Variants in ZNF324B observed in about 807,000 individuals in gnomAD.
ZNF324B encodes the protein zinc finger protein 324B.
Under a neutral mutation model 10.6 loss-of-function variants are expected in ZNF324B, and 7 were observed. That is an observed-to-expected ratio of 0.66 (90% CI 0.38 to 1.24). ZNF324B has a LOEUF of 1.24. Among genes scored for constraint, ZNF324B ranks in the 50% most tolerant of loss-of-function variants. The pLI is 0.02. For missense variants in ZNF324B, 640 were observed against 764.7 expected (o/e 0.84, Z 1.92); for synonymous variants, 316 against 321.0 (o/e 0.98, Z 0.17).
At position 58,453,833 on chromosome 19, in the gene ZNF324B, G is replaced by A. The variant is rs768602079; in HGVS notation, c.121+11G>A. The A allele has an allele frequency of 1.9e-6, 3 of 1,611,070 alleles. No homozygotes were observed. Among genetic ancestry groups the A allele is most frequent in the South Asian group, 1.1e-5 (1 of 90,854 alleles). On this transcript the variant is annotated intron_variant, in intron 2 of 3. Coordinates refer to ENST00000336614, the MANE Select transcript of ZNF324B (RefSeq NM_207395.3). ...TTGTGACCTCACTTGGTAAGGCCCT[G>A]GGTGCTCCATGAAAAGTGCACTTGG... is the stretch of plus-strand genomic sequence containing the variant.
At chr19:58,438,736 G>C in the ZNF324B span, among the ~76,000 whole-genome samples, 18 of 149,108 alleles carry the variant, frequency 1.2e-4, no homozygotes, top group African/African-American at 4.5e-4. Context: ...GCCTCCCAAA[G>C]TGCTGGGATT....
chr19:58,433,601 T>A, the ZNF324B span: 1 of 1,613,936 alleles, frequency 6.2e-7, no homozygotes, highest in South Asian at 1.1e-5. Flanking sequence ...CAGTGACAAA[T>A]AAGGCTGGAT....
chr19:58,435,337 G>T, the ZNF324B span: 41 of 1,097,288 alleles, frequency 3.7e-5, no homozygotes, highest in Non-Finnish European at 4.9e-5. Context: ...AGGCCAACAG[G>T]GCCATCATCA....
chr19:58,424,098 A>T, the ZNF324B span, among the ~76,000 whole-genome samples: 1 of 151,902 alleles, frequency 6.6e-6, no homozygotes, highest in Non-Finnish European at 1.5e-5. Flanking sequence ...AAAAAAAAAA[A>T]ATTAGCCAGG....
At chr19:58,440,194 T>G in the ZNF324B span, 3,507 of 303,688 alleles carry the variant, frequency 0.012, 113 homozygotes, top group African/African-American at 0.074. Flanking sequence ...CAGCTCGGAC[T>G]TGCCACTGGT....
the ZNF324B span, among the ~76,000 whole-genome samples, chr19:58,421,423 G>T: frequency 7.6e-3 from 1,155 of 152,164 alleles, 22 homozygotes; most frequent in African/African-American, 0.027. Context: ...TTTTGAGACG[G>T]AGTCTCCCCG....
At chr19:58,432,228 C>T in the ZNF324B span, 2 of 486,568 alleles carry the variant, frequency 4.1e-6, no homozygotes, top group Admixed American at 4.4e-5. Flanking sequence ...CAGTTCCTAC[C>T]TGGGGAGTGA....
At chr19:58,432,216 C>T in the ZNF324B span, 2 of 463,868 alleles carry the variant, frequency 4.3e-6, no homozygotes, top group African/African-American at 4.0e-5. Context: ...TCTCTCAGCT[C>T]CCAGTTCCTA....
chr19:58,436,935 A>G, the ZNF324B span: 1 of 1,472,030 alleles, frequency 6.8e-7, no homozygotes, highest in Non-Finnish European at 9.4e-7. Context: ...TACAACAGGA[A>G]ACCCGAGAAG....
upstream of ZNF324B, among the ~76,000 whole-genome samples, chr19:58,450,939 A>G (rs1333897169): frequency 6.6e-6 from 1 of 152,170 alleles, no homozygotes. Flanking sequence ...CAAAGCAAGA[A>G]CTAGATGGTC....
the ZNF324B span, among the ~76,000 whole-genome samples, chr19:58,439,167 C>G: frequency 1.3e-5 from 2 of 152,204 alleles, no homozygotes. Context: ...ACCATCTGTC[C>G]TACCTCCACG....
At chr19:58,421,181 G>A in the ZNF324B span, among the ~76,000 whole-genome samples, 2 of 152,016 alleles carry the variant, frequency 1.3e-5, no homozygotes, top group African/African-American at 2.4e-5. Context: ...TGCTTTCAGC[G>A]CCTTTTCCTG....
the ZNF324B span, among the ~76,000 whole-genome samples, chr19:58,446,409 C>T: frequency 6.4e-3 from 973 of 152,064 alleles, 3 homozygotes; most frequent in South Asian, 0.02. Flanking sequence ...TGGTGACTTC[C>T]CAGTTGCTCA....
At chr19:58,431,861 G>A in the ZNF324B span, among the ~76,000 whole-genome samples, 8 of 152,178 alleles carry the variant, frequency 5.3e-5, no homozygotes, top group South Asian at 2.1e-4. Context: ...GTGTGGTGGC[G>A]GGCAACTGTA....
Position 58,455,439 on chromosome 19 carries a change from A to G in ZNF324B, c.495A>G (p.Pro165=), listed in dbSNP as rs1297894883. The G allele has an allele frequency of 1.9e-6, 3 of 1,613,826 alleles. No individual in the cohort carries two copies. Among genetic ancestry groups the G allele is most frequent in the Non-Finnish European group, 1.7e-6 (2 of 1,179,942 alleles). The change falls in exon 4 of 4, where the codon CCA becomes CCG. Residue 165 remains proline (P), a synonymous_variant. Coordinates refer to ENST00000336614, the MANE Select transcript of ZNF324B (RefSeq NM_207395.3). This position sits in a 1 kb window ranked among gnomAD's most constrained non-coding sequence, Gnocchi z 7.0. ...QASISLRLTS[P]LRPPKSSRPR... is the part of the protein sequence containing the mutation. ...GCATCAGCCTGCGACTGACCTCCCC[A>G]CTCAGGCCCCCCAAGAGCAGCCGGC...
chr19:58,432,037 A>G, the ZNF324B span, among the ~76,000 whole-genome samples: 2 of 151,876 alleles, frequency 1.3e-5, no homozygotes, highest in African/African-American at 4.8e-5. Context: ...AAGGTTCTGG[A>G]TCTCTAGCTC....
At chr19:58,424,235 G>A in the ZNF324B span, among the ~76,000 whole-genome samples, 3 of 151,986 alleles carry the variant, frequency 2.0e-5, no homozygotes, top group Non-Finnish European at 4.4e-5. Flanking sequence ...GGCAACAAGA[G>A]TGAAACTCAG....
At chr19:58,433,326 G>A in the ZNF324B span, 36 of 1,610,546 alleles carry the variant, frequency 2.2e-5, no homozygotes, top group East Asian at 7.4e-4. Context: ...GCTCCACTCA[G>A]GTATGAATCT....
At chr19:58,430,744 G>A in the ZNF324B span, 2 of 152,204 alleles carry the variant, frequency 1.3e-5, no homozygotes, top group African/African-American at 2.4e-5. Context: ...TTCATACCAA[G>A]TATTTAAAGA....
Sources: allele counts gnomAD v4.1 joint callset (sites outside exome capture counted in the v4.1 genomes callset), GRCh38; gene constraint gnomAD v4.1.1; non-coding constraint Gnocchi (gnomAD v3.1); transcripts MANE v1.5; gene names NCBI Gene and HGNC (gene_info 2026-07-23, HGNC 2026-07-21).